Variants in AFF1 observed in about 807,000 individuals in gnomAD.
AFF1 encodes ALF transcription elongation factor 1, also known as AF4/FMR2 family member 1.
Under a neutral mutation model 121.7 loss-of-function variants are expected in AFF1, and 48 were observed. That is an observed-to-expected ratio of 0.39 (90% CI 0.31 to 0.50). The LOEUF is 0.50. AFF1 is among the 20% of genes least tolerant of loss of function. The pLI is 0.76. For synonymous variants in AFF1, 613 were observed against 563.0 expected, an observed-to-expected ratio of 1.09 and a Z score of -1.26; for missense variants, 1,523 against 1,511.7, an observed-to-expected ratio of 1.01 and a Z score of -0.12.
chr4:87,027,339 T>A (rs1321742389), intron 2 of AFF1, among the ~76,000 whole-genome samples: 3 of 152,256 alleles, frequency 2.0e-5, no homozygotes, highest in African/African-American at 7.2e-5. Context: ...CGGATACACA[T>A]GTAACATGCA....
intron 15 of AFF1, 112 bp downstream of exon 15, chr4:87,127,229 T>G: frequency 2.2e-6 from 2 of 911,070 alleles, no homozygotes; most frequent in Non-Finnish European, 3.5e-6. Context: ...GGCATGATCT[T>G]GGCTCACTGC....
At chr4:87,113,739 G>A (rs1726794307) in intron 11 of AFF1, among the ~76,000 whole-genome samples, 1 of 152,098 alleles carries the variant, frequency 6.6e-6, no homozygotes. Flanking sequence ...AGAGAAATGG[G>A]CCTGTTATTC....
chr4:87,031,792 T>G (rs570161315), intron 2 of AFF1, among the ~76,000 whole-genome samples: 1 of 152,238 alleles, frequency 6.6e-6, no homozygotes, highest in Non-Finnish European at 1.5e-5. Flanking sequence ...TAGTGTCTGC[T>G]TTTCAGAGAG....
At chr4:87,101,557 C>A (rs60695258) in intron 8 of AFF1, among the ~76,000 whole-genome samples, 1 of 150,752 alleles carries the variant, frequency 6.6e-6, no homozygotes, top group Non-Finnish European at 1.5e-5. Context: ...CCAGCATGGG[C>A]GACAGAGTGA....
intron 4 of AFF1, among the ~76,000 whole-genome samples, chr4:87,082,187 T>A (rs1241542073): frequency 6.6e-6 from 1 of 152,232 alleles, no homozygotes; most frequent in African/African-American, 2.4e-5. Context: ...AGTCATGTGC[T>A]TGTTCTATTG....
intron 8 of AFF1, among the ~76,000 whole-genome samples, chr4:87,099,533 C>T (rs920743915): frequency 6.6e-6 from 1 of 152,176 alleles, no homozygotes. Context: ...CTTAGCCTCT[C>T]GAGTAGCTGG....
In AFF1 at chr4:87,116,568, T is replaced by G. The variant is rs555659714; in HGVS notation, c.2466+1269T>G. 4.3e-3 allele frequency among the ~76,000 whole-genome samples: 650 copies of G among 152,336 alleles called. 5 individuals are homozygous for G. Among genetic ancestry groups the G allele is most frequent in the Non-Finnish European group, 8.0e-3 (541 of 68,038 alleles). ...TAAGAATAACAAAGGAAAAAAAGAT[T>G]ATGAAGCCTGCTGTCATGTCTGAGA... On this transcript the variant is annotated intron_variant, in intron 12 of 20. Coordinates refer to ENST00000395146, the MANE Select transcript of AFF1 (RefSeq NM_001166693.3).
intron 2 of AFF1, chr4:87,020,743 C>G (rs1727816221): frequency 1.0e-6 from 1 of 964,210 alleles, no homozygotes; most frequent in Admixed American, 6.2e-5. Flanking sequence ...CTCAGCCTCT[C>G]AAAATGCTGG....
chr4:87,133,310 T>C (rs1729008796), intron 19 of AFF1, among the ~76,000 whole-genome samples: 1 of 152,226 alleles, frequency 6.6e-6, no homozygotes, highest in African/African-American at 2.4e-5. Flanking sequence ...CCTTGCCTAG[T>C]ATTTTTTAAT....
intron 2 of AFF1, among the ~76,000 whole-genome samples, chr4:87,011,286 ACT>A (rs1237198825): frequency 6.6e-6 from 1 of 151,916 alleles, no homozygotes; most frequent in Non-Finnish European, 1.5e-5. Context: ...TGTTCAGTCA[ACT>A]CTCCCACAGT....
chr4:86,998,112 A>AAAAAAAC (rs1725371802), intron 2 of AFF1, among the ~76,000 whole-genome samples: 1 of 138,712 alleles, frequency 7.2e-6, no homozygotes, highest in South Asian at 2.1e-4. Context: ...AAAAAAAAAA[A>AAAAAAAC]AAAAAAAAAA....
chr4:86,961,539 G>A (rs1159464911), intron 2 of AFF1, among the ~76,000 whole-genome samples: 3 of 151,738 alleles, frequency 2.0e-5, no homozygotes, highest in Non-Finnish European at 4.4e-5. Flanking sequence ...TTCCAGTGAA[G>A]GAACAAAGCT....
At chr4:86,999,837 T>A (rs549122761) in intron 2 of AFF1, among the ~76,000 whole-genome samples, 1 of 152,268 alleles carries the variant, frequency 6.6e-6, no homozygotes, top group Non-Finnish European at 1.5e-5. Flanking sequence ...TTGGCAGTGA[T>A]GGCAGAAGGA....
intron 2 of AFF1, among the ~76,000 whole-genome samples, chr4:87,016,838 C>G (rs912088060): frequency 6.6e-6 from 1 of 152,112 alleles, no homozygotes; most frequent in Non-Finnish European, 1.5e-5. Flanking sequence ...ATCTGACTCT[C>G]TTTACTTGCA....
chr4:86,995,051 G>A (rs1275707461), intron 2 of AFF1, among the ~76,000 whole-genome samples: 2 of 152,028 alleles, frequency 1.3e-5, no homozygotes, highest in East Asian at 1.9e-4. Context: ...GATCAGCCTA[G>A]GCAACATGGT....
rs1231447194 is a variant in AFF1, at chr4:87,117,853, C to CG, written c.2466+2554_2466+2555insG. On this transcript the variant is annotated intron_variant, in intron 12 of 20. Coordinates refer to ENST00000395146, the MANE Select transcript of AFF1 (RefSeq NM_001166693.3). Reference sequence around the variant, plus strand: ...TTTCTGTAGAGGACAGGTTGTCCCCCCTTCCTCATTAGCGCCCTGACTGCT... The same window carrying CG: ...TTTCTGTAGAGGACAGGTTGTCCCCCGCTTCCTCATTAGCGCCCTGACTGCT... Among the ~76,000 whole-genome samples the CG allele has an allele frequency of 3.9e-5, 6 of 152,070 alleles. No homozygotes were observed. The South Asian group carries it at 6.2e-4, about 16-fold the overall frequency.
chr4:86,997,756 C>A (rs1375481652), intron 2 of AFF1, among the ~76,000 whole-genome samples: 14 of 127,828 alleles, frequency 1.1e-4, no homozygotes, highest in Non-Finnish European at 2.1e-4. Flanking sequence ...ATCGAGACTC[C>A]ATCTCAAAAA....
At chr4:87,046,601 G>A (rs981980609) in intron 3 of AFF1, 94 bp from the exon 4 acceptor site, 5 of 1,323,758 alleles carry the variant, frequency 3.8e-6, no homozygotes, top group Non-Finnish European at 5.2e-6. Context: ...CATTAAGTTC[G>A]GAGTTTTTTC....
At chr4:87,058,013 A>AG (rs1331227355) in intron 4 of AFF1, among the ~76,000 whole-genome samples, 2 of 152,192 alleles carry the variant, frequency 1.3e-5, no homozygotes, top group Non-Finnish European at 2.9e-5. Flanking sequence ...CTTTATAAAA[A>AG]TGTACGCACT....
Sources: allele counts gnomAD v4.1 joint callset (sites outside exome capture counted in the v4.1 genomes callset), GRCh38; gene constraint gnomAD v4.1.1; transcripts MANE v1.5; gene names NCBI Gene and HGNC (gene_info 2026-07-23, HGNC 2026-07-21).